Variants in CXCL5 observed in about 807,000 individuals in gnomAD.
The protein encoded by CXCL5 is C-X-C motif chemokine 5.
Under a neutral mutation model 12.1 loss-of-function variants are expected in CXCL5, and 13 were observed. The observed-to-expected ratio is 1.08, with a 90% CI of 0.70 to 1.71. The LOEUF (loss-of-function observed/expected upper bound fraction) is 1.71, where lower values mean the gene tolerates loss of function less well. Among genes scored for constraint, CXCL5 ranks in the 40% most tolerant of loss-of-function variants. The pLI, the probability that CXCL5 is intolerant of heterozygous loss-of-function variation, is 0.00. For missense variants in CXCL5, 159 were observed against 142.4 expected (o/e 1.12, Z -0.59); for synonymous variants, 67 against 59.0 (o/e 1.14, Z -0.62).
rs201837496 is a variant in CXCL5, at chr4:73,997,544, C to A, written c.*93G>T. The A allele has an allele frequency of 3.9e-5, 37 of 938,178 alleles. No individual in the cohort carries two copies. Among genetic ancestry groups the A allele is most frequent in the Middle Eastern group, 2.2e-4 (1 of 4,590 alleles). The allele number at this position is 938,178 out of a possible 1,614,324, so 58.1% of individuals were successfully genotyped here. Reference sequence around the variant, plus strand: ...ACAAATAAACAAACAACAACAAAATCTTTCCTTCTTGTCTTCCCTGGGTTC... The same window carrying A: ...ACAAATAAACAAACAACAACAAAATATTTCCTTCTTGTCTTCCCTGGGTTC... On this transcript the variant is annotated 3_prime_UTR_variant, in exon 4 of 4. Transcript: ENST00000296027.
In CXCL5 at chr4:73,998,594, A is replaced by C; in HGVS notation, c.-13T>G. 1 of 1,567,322 alleles carries C rather than the reference A, an allele frequency of 6.4e-7. No homozygotes were observed. ...ACAGGAGGCTCATAGTGGTCAAGAGAGCGCTGCGAGCGGTCGCGGGTTCCT... is the reference window on the plus strand; with the variant it reads ...ACAGGAGGCTCATAGTGGTCAAGAGCGCGCTGCGAGCGGTCGCGGGTTCCT... On this transcript the variant is annotated 5_prime_UTR_variant, in exon 1 of 4. Transcript: ENST00000296027.
At position 73,997,632 on chromosome 4, in the gene CXCL5, C is replaced by A. The variant is rs200359847; in HGVS notation, c.*5G>T. 6.2e-6 allele frequency: 10 copies of A among 1,609,452 alleles called. No homozygotes were observed. In the South Asian group the frequency reaches 8.8e-5, roughly 14 times the overall value. Reference sequence around the variant, plus strand: ...AACTTTTCCATGCGTGCTCATTTCTCTTAATCAGTTTTCCTTGTTTCCACT... The same window carrying A: ...AACTTTTCCATGCGTGCTCATTTCTATTAATCAGTTTTCCTTGTTTCCACT... On this transcript the variant is annotated 3_prime_UTR_variant, in exon 4 of 4. Coordinates refer to ENST00000296027, the MANE Select transcript of CXCL5 (RefSeq NM_002994.5).
intron 3 of CXCL5, 104 bp downstream of exon 3, chr4:73,997,908 A>G: frequency 9.2e-7 from 1 of 1,091,404 alleles, no homozygotes; most frequent in Non-Finnish European, 1.4e-6. Flanking sequence ...TTAATTCTAA[A>G]CATGAAAAGT....
Position 73,997,251 on chromosome 4 carries a change from T to G in CXCL5, c.*386A>C, listed in dbSNP as rs1182850396. On this transcript the variant is annotated 3_prime_UTR_variant, in exon 4 of 4. Coordinates refer to ENST00000296027, the MANE Select transcript of CXCL5 (RefSeq NM_002994.5). ...TTTCCACATTAAATCCACAGCCTTC[T>G]CAGTTAATATCTTAAGGAATATTTC... is the stretch of plus-strand genomic sequence containing the variant. The G allele has an allele frequency of 5.5e-6, 1 of 180,428 alleles. No homozygotes were observed. The highest frequency in any genetic ancestry group is 1.1e-5 in the Non-Finnish European group (1 of 87,372). 11.2% of individuals were successfully genotyped at this position (180,428 alleles called of 1,614,324 possible).
rs986462277 is a variant in CXCL5 at position 73,996,698 on chromosome 4, A to G, written c.*939T>C. 2.6e-5 allele frequency: 4 copies of G among 152,594 alleles called. No individual in the cohort carries two copies. Among genetic ancestry groups the G allele is most frequent in the South Asian group, 4.1e-4 (2 of 4,832 alleles). The allele number at this position is 152,594 out of a possible 1,614,324, so 9.5% of individuals were successfully genotyped here. ...ATATATTTTTATAACTAAATGATAA[A>G]TTTATATTCAAATTGTTTGAATACG... On this transcript the variant is annotated 3_prime_UTR_variant, in exon 4 of 4. Coordinates refer to ENST00000296027, the MANE Select transcript of CXCL5 (RefSeq NM_002994.5).
chr4:73,997,577 T>C lies in CXCL5; in HGVS notation c.*60A>G. ...CTTGTCTTCCCTGGGTTCAGAGACC[T>C]CCAGAAAACTTCTCTGCTGAAGACT... On this transcript the variant is annotated 3_prime_UTR_variant, in exon 4 of 4. Coordinates refer to ENST00000296027, the MANE Select transcript of CXCL5 (RefSeq NM_002994.5). 1 of 1,352,532 alleles carries C rather than the reference T, an allele frequency of 7.4e-7. No individual in the cohort carries two copies. Among genetic ancestry groups the C allele is most frequent in the Admixed American group, 2.0e-5 (1 of 51,270 alleles). 83.8% of individuals were successfully genotyped at this position (1,352,532 alleles called of 1,614,324 possible).
intron 3 of CXCL5, 64 bp downstream of exon 3, chr4:73,997,948 C>G (rs1483150849): frequency 7.6e-7 from 1 of 1,310,690 alleles, no homozygotes; most frequent in Non-Finnish European, 1.1e-6. Context: ...GAATAAAGAC[C>G]TTGTGAAGTC....
At position 73,997,571 on chromosome 4, in the gene CXCL5, GA is replaced by G; in HGVS notation, c.*65del. 1 of 1,228,224 alleles carries G rather than the reference GA, an allele frequency of 8.1e-7. No individual in the cohort carries two copies. Among genetic ancestry groups the G allele is most frequent in the Non-Finnish European group, 1.2e-6 (1 of 848,820 alleles). 76.1% of individuals were successfully genotyped at this position (1,228,224 alleles called of 1,614,324 possible). On this transcript the variant is annotated 3_prime_UTR_variant, in exon 4 of 4. Coordinates refer to ENST00000296027, the MANE Select transcript of CXCL5 (RefSeq NM_002994.5). ...TTCCTTCTTGTCTTCCCTGGGTTCA[GA>G]GACCTCCAGAAAACTTCTCTGCTGA...
At position 73,996,537 on chromosome 4, in the gene CXCL5, C is replaced by T. The variant is rs202220641; in HGVS notation, c.*1100G>A. The T allele has an allele frequency of 3.3e-5, 5 of 152,454 alleles. No homozygotes were observed. The highest frequency in any genetic ancestry group is 6.6e-5 in the Admixed American group (1 of 15,248). The allele number at this position is 152,454 out of a possible 1,614,324, so 9.4% of individuals were successfully genotyped here. ...AATTATGATTTTGGAAAATCTAACC[C>T]ATACAGAGGGATAAAAAATTGACAT... On this transcript the variant is annotated 3_prime_UTR_variant, in exon 4 of 4. Transcript: ENST00000296027.
Position 73,998,557 on chromosome 4 carries a change from C to A in CXCL5, c.25G>T (p.Ala9Ser), listed in dbSNP as rs764636610. The change falls in exon 1 of 4, where the codon GCC (alanine) becomes TCC (serine). Residue 9 changes from alanine (A) to serine (S), a missense_variant. Coordinates refer to ENST00000296027, the MANE Select transcript of CXCL5 (RefSeq NM_002994.5). MSLLSSRAARVPGPSSSLC... is the reference protein window; with the variant it reads MSLLSSRASRVPGPSSSLC... ...GAGCTCGAAGGACCGGGGACACGGGCCGCGCGGCTGGACAGGAGGCTCATA... is the reference window on the plus strand; with the variant it reads ...GAGCTCGAAGGACCGGGGACACGGGACGCGCGGCTGGACAGGAGGCTCATA... The A allele has an allele frequency of 2.1e-5, 33 of 1,590,844 alleles. 2 individuals carry two copies. The South Asian group carries it at 3.5e-4, about 17-fold the overall frequency.
Position 73,998,566 on chromosome 4 carries a change from T to C in CXCL5, c.16A>G (p.Ser6Gly), listed in dbSNP as rs757654186. Residue 6 changes from serine (S) to glycine (G), a missense_variant, in exon 1 of 4, where the codon AGC (serine) becomes GGC (glycine). By Grantham distance (56) the Ser-to-Gly change is moderately conservative. Coordinates refer to ENST00000296027, the MANE Select transcript of CXCL5 (RefSeq NM_002994.5). MSLLS[S>G]RAARVPGPSS... ...GGACCGGGGACACGGGCCGCGCGGC[T>C]GGACAGGAGGCTCATAGTGGTCAAG... The C allele has an allele frequency of 6.9e-6, 11 of 1,588,316 alleles. No individual in the cohort carries two copies. The East Asian group carries it at 2.5e-4, about 37-fold the overall frequency.
chr4:73,997,644 TC>T lies in CXCL5; in HGVS notation c.337del (p.Glu113LysfsTer4). On this transcript the variant is annotated frameshift_variant, in exon 4 of 4. Transcript: ENST00000296027. LOFTEE classifies it high-confidence loss of function. Reference sequence around the variant, plus strand: ...CGTGCTCATTTCTCTTAATCAGTTTTCCTTGTTTCCACTGTTGAGAAAAATG... The same window carrying T: ...CGTGCTCATTTCTCTTAATCAGTTTTCTTGTTTCCACTGTTGAGAAAAATG... ...IQKILDGGNKEN is the reference protein window; with the variant it reads ...IQKILDGGNKXN 6.2e-7 allele frequency: 1 copy of T among 1,609,990 alleles called. No individual in the cohort carries two copies. Among genetic ancestry groups the T allele is most frequent in the Non-Finnish European group, 8.5e-7 (1 of 1,177,626 alleles).
intron 3 of CXCL5, 72 bp from the exon 4 acceptor site, chr4:73,997,727 AGC>A: frequency 8.2e-7 from 1 of 1,225,508 alleles, no homozygotes; most frequent in Non-Finnish European, 1.2e-6. Flanking sequence ...GTCAAAACTC[AGC>A]GTTTATGATG....
At position 73,995,892 on chromosome 4, in the gene CXCL5, T is replaced by C. The variant is rs954328780; in HGVS notation, c.*1745A>G. Reference sequence around the variant, plus strand: ...TACATACGTTTTTACCAAGAAATGTTTTATTTTTCTTGCAGTAGCTTTGTT... The same window carrying C: ...TACATACGTTTTTACCAAGAAATGTCTTATTTTTCTTGCAGTAGCTTTGTT... On this transcript the variant is annotated 3_prime_UTR_variant, in exon 4 of 4. Coordinates refer to ENST00000296027, the MANE Select transcript of CXCL5 (RefSeq NM_002994.5). 1.3e-5 allele frequency: 2 copies of C among 150,106 alleles called. No individual in the cohort carries two copies. The highest frequency in any genetic ancestry group is 4.9e-5 in the African/African-American group (2 of 41,022). 9.3% of individuals were successfully genotyped at this position (150,106 alleles called of 1,614,324 possible).
Position 73,998,342 on chromosome 4 carries a change from G to T in CXCL5, c.110-4C>A. 6.2e-7 allele frequency: 1 copy of T among 1,614,078 alleles called. No individual in the cohort carries two copies. Among genetic ancestry groups the T allele is most frequent in the Non-Finnish European group, 8.5e-7 (1 of 1,180,028 alleles). ...AACACAGCAGCGGCAGGACCAGCTG[G>T]GGAAGAAAGAGAGACACCCTTTATA... On this transcript the variant is annotated splice_polypyrimidine_tract_variant and splice_region_variant and intron_variant, in intron 1 of 3. Coordinates refer to ENST00000296027, the MANE Select transcript of CXCL5 (RefSeq NM_002994.5).
chr4:73,997,726 C>A, intron 3 of CXCL5, 71 bp from the exon 4 acceptor site: 2 of 1,251,222 alleles, frequency 1.6e-6, no homozygotes, highest in Non-Finnish European at 2.3e-6. Context: ...TGTCAAAACT[C>A]AGCGTTTATG....
Position 73,997,596 on chromosome 4 carries a change from G to A in CXCL5, c.*41C>T, listed in dbSNP as rs1273420521. On this transcript the variant is annotated 3_prime_UTR_variant, in exon 4 of 4. Transcript: ENST00000296027. ...GAGACCTCCAGAAAACTTCTCTGCTGAAGACTGGGAAACTTTTCCATGCGT... is the reference window on the plus strand; with the variant it reads ...GAGACCTCCAGAAAACTTCTCTGCTAAAGACTGGGAAACTTTTCCATGCGT... 20 of 1,569,438 alleles carry A rather than the reference G, an allele frequency of 1.3e-5. No individual in the cohort carries two copies. The highest frequency in any genetic ancestry group is 1.7e-5 in the Non-Finnish European group (20 of 1,145,624).
At chr4:73,997,902 T>A in intron 3 of CXCL5, 110 bp downstream of exon 3, 1 of 1,079,588 alleles carries the variant, frequency 9.3e-7, no homozygotes, top group Non-Finnish European at 1.4e-6. Context: ...AACCTTTTAA[T>A]TCTAAACATG....
intron 1 of CXCL5, 60 bp from the exon 2 acceptor site, chr4:73,998,398 G>C: frequency 6.2e-7 from 1 of 1,608,534 alleles, no homozygotes; most frequent in East Asian, 2.2e-5. Context: ...TCCCTGGAAC[G>C]CAGCGACCCC....
Sources: gnomAD v4.1 joint callset for allele counts on GRCh38, gnomAD v4.1.1 for gene constraint, MANE v1.5 for transcripts, NCBI Gene and HGNC (gene_info 2026-07-23, HGNC 2026-07-21) for gene names.